Variants in ZNF208 observed in about 807,000 individuals in gnomAD.
ZNF208 encodes zinc finger protein 208.
A neutral mutation model predicts 12.1 loss-of-function variants in ZNF208; 10 were observed. That is an observed-to-expected ratio of 0.83 (90% CI 0.51 to 1.40). ZNF208 has a LOEUF of 1.40. Among genes scored for constraint, ZNF208 ranks in the 40% most tolerant of loss-of-function variants. The pLI is 0.00. For missense variants in ZNF208, 1,652 were observed against 1,485.0 expected (o/e 1.11, Z -1.85); for synonymous variants, 497 against 488.4 (o/e 1.02, Z -0.23).
rs1970290842 is a variant in ZNF208, at chr19:21,971,780, T to C, written c.3254A>G (p.Tyr1085Cys). The change falls in exon 4 of 4, where the codon TAC becomes TGC. Residue 1085 changes from tyrosine (Y) to cysteine (C), a missense_variant. Tyr to Cys is a radical substitution (Grantham distance 194, BLOSUM62 -2). This residue lies in a region of ZNF208 where 1,239 missense variants were observed against 1,086.2 expected (regional missense o/e 1.14). Transcript: ENST00000397126. The part of the protein sequence containing the change: ...HKATHAGEEP[Y>C]KCEECGKAFN... ...AGCTTTGCCACATTCTTCACATTTG[T>C]AGGGTTCCTCTCCAGCATGAGTTGC... is the stretch of plus-strand genomic sequence containing the variant. The C allele has an allele frequency of 5.6e-6, 9 of 1,614,010 alleles. No individual in the cohort carries two copies. Among genetic ancestry groups the C allele is most frequent in the Non-Finnish European group, 7.6e-6 (9 of 1,179,950 alleles).
intron 4 of ZNF208, among the ~76,000 whole-genome samples, chr19:21,959,705 TATAAAATGCATAGC>T (rs1262915441): frequency 6.6e-6 from 1 of 152,186 alleles, no homozygotes; most frequent in East Asian, 1.9e-4. Flanking sequence ...ACTTTTAAAA[TATAAAATGCATAGC>T]ATAACTATTG....
intron 4 of ZNF208, among the ~76,000 whole-genome samples, chr19:21,959,983 G>A (rs1242400634): frequency 6.6e-6 from 1 of 152,046 alleles, no homozygotes; most frequent in Non-Finnish European, 1.5e-5. Flanking sequence ...AAATAAAATA[G>A]AGTAAAATAC....
chr19:21,981,166 T>A (rs1192663179), intron 3 of ZNF208, among the ~76,000 whole-genome samples: 1 of 151,996 alleles, frequency 6.6e-6, no homozygotes, highest in East Asian at 1.9e-4. Flanking sequence ...CTGAAACTAT[T>A]CCCAACAATG....
chr19:22,001,665 C>A (rs560674236), intron 1 of ZNF208, among the ~76,000 whole-genome samples: 2 of 151,728 alleles, frequency 1.3e-5, no homozygotes, highest in African/African-American at 4.8e-5. Context: ...CAAGGTGGGC[C>A]AATTTCCTGA....
intron 1 of ZNF208, among the ~76,000 whole-genome samples, chr19:21,997,284 G>T (rs1282271365): frequency 8.5e-5 from 13 of 152,204 alleles, no homozygotes; most frequent in Non-Finnish European, 1.8e-4. Flanking sequence ...TCACATGGTA[G>T]TTGGGAAGGC....
At chr19:21,954,341 C>T (rs1969937884) in intron 4 of ZNF208, among the ~76,000 whole-genome samples, 1 of 152,158 alleles carries the variant, frequency 6.6e-6, no homozygotes, top group Non-Finnish European at 1.5e-5. Flanking sequence ...CTGTAGATGT[C>T]TATTAGGTCC....
At chr19:21,956,807 C>A (rs954772871) in intron 4 of ZNF208, among the ~76,000 whole-genome samples, 1 of 152,184 alleles carries the variant, frequency 6.6e-6, no homozygotes, top group African/African-American at 2.4e-5. Context: ...ATGTCCCACC[C>A]TGCTTCGGCT....
intron 4 of ZNF208, among the ~76,000 whole-genome samples, chr19:21,954,811 A>G (rs1188529952): frequency 6.6e-6 from 1 of 152,256 alleles, no homozygotes; most frequent in South Asian, 2.1e-4. Flanking sequence ...GTGTCTTTTA[A>G]TTGGAGCACT....
chr19:22,004,313 C>T lies in ZNF208; in HGVS notation c.3+6479G>A, dbSNP rs376310585. ...GGCAGATCACCTGAAGTAAGGAGTT[C>T]GAGACTAGCCTGGCCAACGTGGCAA... On this transcript the variant is annotated intron_variant, in intron 1 of 3. Coordinates refer to ENST00000397126, the MANE Select transcript of ZNF208 (RefSeq NM_007153.3). Among the ~76,000 whole-genome samples the T allele has an allele frequency of 2.0e-4, 31 of 152,174 alleles. No homozygotes were observed. The East Asian group carries it at 2.9e-3, about 14-fold the overall frequency.
chr19:21,994,256 C>G (rs1970789814), intron 1 of ZNF208, among the ~76,000 whole-genome samples: 1 of 152,148 alleles, frequency 6.6e-6, no homozygotes, highest in African/African-American at 2.4e-5. Flanking sequence ...AAAGTCTCTT[C>G]AAGCACTGGT....
intron 4 of ZNF208, among the ~76,000 whole-genome samples, chr19:21,960,138 G>A (rs761959272): frequency 1.4e-4 from 22 of 152,056 alleles, no homozygotes; most frequent in Non-Finnish European, 2.9e-4. Context: ...CAACTTTTAT[G>A]TTGGGTGGGA....
intron 3 of ZNF208, among the ~76,000 whole-genome samples, chr19:21,984,200 A>G (rs1169848764): frequency 3.3e-5 from 5 of 152,166 alleles, no homozygotes; most frequent in Non-Finnish European, 5.9e-5. Context: ...AAATTTTATG[A>G]ATTATTTTCT....
chr19:21,952,365 C>T (rs1325381388), intron 4 of ZNF208, among the ~76,000 whole-genome samples: 1 of 152,216 alleles, frequency 6.6e-6, no homozygotes, highest in African/African-American at 2.4e-5. Flanking sequence ...TCCCTGACCC[C>T]CATGTAGCCT....
intron 3 of ZNF208, among the ~76,000 whole-genome samples, chr19:21,978,325 T>G (rs1281495526): frequency 6.6e-6 from 1 of 152,134 alleles, no homozygotes; most frequent in African/African-American, 2.4e-5. Context: ...ACAAGAGAGC[T>G]CTGGCTGGCA....
intron 4 of ZNF208, among the ~76,000 whole-genome samples, chr19:21,957,983 C>T (rs1278746160): frequency 6.6e-6 from 1 of 152,022 alleles, no homozygotes; most frequent in Non-Finnish European, 1.5e-5. Context: ...TATTCCTCCC[C>T]CTTCCCACCA....
At chr19:21,998,683 C>T (rs2078235) in intron 1 of ZNF208, 1 of 151,922 alleles carries the variant, frequency 6.6e-6, no homozygotes, top group South Asian at 2.1e-4. Flanking sequence ...TGATCCACCC[C>T]CCTTGGCCTC....
intron 1 of ZNF208, among the ~76,000 whole-genome samples, chr19:21,994,310 T>G (rs760166300): frequency 6.6e-6 from 1 of 152,220 alleles, no homozygotes; most frequent in African/African-American, 2.4e-5. Flanking sequence ...ATACATACTT[T>G]ATATTTCCCA....
At chr19:21,962,499 T>C (rs1038623190), downstream of ZNF208, among the ~76,000 whole-genome samples, 2 of 152,182 alleles carry the variant, frequency 1.3e-5, no homozygotes, top group Non-Finnish European at 2.9e-5. Context: ...CATTTCCTTT[T>C]TTTCTGATGA....
intron 1 of ZNF208, among the ~76,000 whole-genome samples, chr19:22,001,917 A>AAAAAAAAAG (rs1970959917): frequency 2.2e-5 from 3 of 138,342 alleles, no homozygotes; most frequent in African/African-American, 8.0e-5. Context: ...AAAAAAAAAA[A>AAAAAAAAAG]AAAAGAAAAA....
Sources: allele counts gnomAD v4.1 joint callset (sites outside exome capture counted in the v4.1 genomes callset), GRCh38; gene constraint gnomAD v4.1.1; regional missense constraint gnomAD v4.1.1; transcripts MANE v1.5; gene names NCBI Gene and HGNC (gene_info 2026-07-23, HGNC 2026-07-21).